Variants in DSE observed in about 807,000 individuals in gnomAD.
DSE encodes dermatan sulfate epimerase.
DSE carries 36 observed loss-of-function variants against 84.4 expected under a neutral mutation model. The ratio of observed to expected loss-of-function variants is 0.43; its 90% confidence interval spans 0.33 to 0.56. The LOEUF (loss-of-function observed/expected upper bound fraction) is 0.56. Ranked by LOEUF, DSE falls within the 20% of genes least tolerant of loss-of-function variation. DSE has a pLI of 0.06. For missense variants in DSE, 862 were observed against 1,169.6 expected (o/e 0.74, Z 3.84); for synonymous variants, 410 against 430.1 (o/e 0.95, Z 0.58).
Position 116,439,483 on chromosome 6 carries a change from TC to T in DSE, c.*2140del, listed in dbSNP as rs1312910177. The T allele has an allele frequency of 1.3e-5, 2 of 151,616 alleles. No homozygotes were observed. Among genetic ancestry groups the T allele is most frequent in the Non-Finnish European group, 2.9e-5 (2 of 67,818 alleles). 9.4% of individuals were successfully genotyped at this position (151,616 alleles called of 1,614,324 possible). On this transcript the variant is annotated 3_prime_UTR_variant, in exon 6 of 6. Coordinates refer to ENST00000644252, the MANE Select transcript of DSE (RefSeq NM_013352.4). ...GTATTTATTTCCTTAAAAAGAAACTTCCTCAGGCAGTGACTTAAGTGGTTAA... is the reference window on the plus strand; with the variant it reads ...GTATTTATTTCCTTAAAAAGAAACTTCTCAGGCAGTGACTTAAGTGGTTAA...
At chr6:116,328,427 G>GTGTAT (rs1340294287) in intron 2 of DSE, among the ~76,000 whole-genome samples, 4 of 152,116 alleles carry the variant, frequency 2.6e-5, no homozygotes, top group Non-Finnish European at 4.4e-5. Context: ...TGCACATATT[G>GTGTAT]AGCAGAACAA....
Position 116,313,163 on chromosome 6 carries a change from G to A in DSE, c.-54+54196G>A, listed in dbSNP as rs890508511. 2.6e-5 allele frequency among the ~76,000 whole-genome samples: 4 copies of A among 152,258 alleles called. 1 individual carries two copies. Among genetic ancestry groups the A allele is most frequent in the Middle Eastern group, 6.8e-3 (2 of 294 alleles). ...AGATTCAGGCTGCTATTGGAGTTAT[G>A]CTCCTTAAGCCAAGGAATGCCTGGG... On this transcript the variant is annotated intron_variant, in intron 2 of 3. Transcript: ENST00000430252.
chr6:116,296,829 G>A (rs1440775611), intron 2 of DSE, among the ~76,000 whole-genome samples: 1 of 152,166 alleles, frequency 6.6e-6, no homozygotes, highest in Non-Finnish European at 1.5e-5. Context: ...TTTTGGTAGG[G>A]TGAGGGTAGG....
intron 2 of DSE, among the ~76,000 whole-genome samples, chr6:116,310,868 C>T (rs1368037107): frequency 6.6e-6 from 1 of 152,154 alleles, no homozygotes; most frequent in Non-Finnish European, 1.5e-5. Flanking sequence ...AATGGTTTCC[C>T]ATTACACTTA....
intron 2 of DSE, among the ~76,000 whole-genome samples, chr6:116,303,850 T>C (rs565381925): frequency 2.0e-4 from 31 of 152,026 alleles, no homozygotes; most frequent in Non-Finnish European, 4.3e-4. Context: ...TAAGAAACAG[T>C]GGGGGCCCGG....
intron 2 of DSE, among the ~76,000 whole-genome samples, chr6:116,309,779 T>C (rs1490166855): frequency 6.6e-6 from 1 of 152,180 alleles, no homozygotes; most frequent in Non-Finnish European, 1.5e-5. Context: ...TGTCTTCATA[T>C]GGCAGAAGGC....
chr6:116,401,321 A>G (rs1277367607), intron 2 of DSE: 1 of 152,156 alleles, frequency 6.6e-6, no homozygotes, highest in African/African-American at 2.4e-5. Context: ...TTTATTGATC[A>G]CTGGAGGTGT....
chr6:116,381,958 G>A (rs1016745020), intron 1 of DSE, among the ~76,000 whole-genome samples: 2 of 151,766 alleles, frequency 1.3e-5, no homozygotes, highest in Non-Finnish European at 2.9e-5. Context: ...CCAAGTTTCT[G>A]GTGGCTTCTA....
chr6:116,349,005 T>A (rs1427576243), intron 2 of DSE, among the ~76,000 whole-genome samples: 1 of 152,034 alleles, frequency 6.6e-6, no homozygotes, highest in African/African-American at 2.4e-5. Flanking sequence ...CATTAGGAGA[T>A]ATACCTAATG....
intron 2 of DSE, among the ~76,000 whole-genome samples, chr6:116,416,383 G>A (rs1406507540): frequency 1.3e-5 from 2 of 148,190 alleles, no homozygotes; most frequent in Non-Finnish European, 2.9e-5. Flanking sequence ...GTGTGTGTGT[G>A]TGTGTGTGTG....
At chr6:116,292,115 G>C (rs189480025) in intron 2 of DSE, among the ~76,000 whole-genome samples, 2 of 152,266 alleles carry the variant, frequency 1.3e-5, no homozygotes, top group Non-Finnish European at 2.9e-5. Flanking sequence ...GAGTGTTTAG[G>C]TGATAGTTGA....
chr6:116,312,389 A>G (rs1353054883), intron 2 of DSE, among the ~76,000 whole-genome samples: 1 of 152,250 alleles, frequency 6.6e-6, no homozygotes, highest in Non-Finnish European at 1.5e-5. Context: ...CTGTGGACAC[A>G]GTCATTGATC....
chr6:116,403,679 G>A (rs190038642), intron 2 of DSE, among the ~76,000 whole-genome samples: 42 of 152,248 alleles, frequency 2.8e-4, no homozygotes, highest in East Asian at 7.7e-4. Flanking sequence ...GTTGGTTTTC[G>A]TAGCAAAGAA....
intron 2 of DSE, among the ~76,000 whole-genome samples, chr6:116,426,016 C>T (rs1783426854): frequency 6.6e-6 from 1 of 152,192 alleles, no homozygotes; most frequent in Admixed American, 6.5e-5. Flanking sequence ...AATCAGCTCC[C>T]ACTCACGTTT....
chr6:116,318,278 A>G (rs9372460), intron 2 of DSE, among the ~76,000 whole-genome samples: 148,825 of 152,204 alleles, frequency 0.98, 72,860 homozygotes, highest in East Asian at 1. Context: ...AGGCCAAGGC[A>G]GGCAGATCAC....
intron 3 of DSE, among the ~76,000 whole-genome samples, chr6:116,428,175 T>C (rs551832012): frequency 2.1e-4 from 32 of 151,966 alleles, no homozygotes; most frequent in African/African-American, 7.7e-4. Context: ...GGCAACAGAG[T>C]GAGACTCAGC....
intron 2 of DSE, among the ~76,000 whole-genome samples, chr6:116,419,651 C>T (rs1782946786): frequency 6.6e-6 from 1 of 152,186 alleles, no homozygotes; most frequent in Non-Finnish European, 1.5e-5. Context: ...GTGCACTACC[C>T]TGGTACTTTT....
At chr6:116,342,526 G>A (rs566295318) in intron 2 of DSE, among the ~76,000 whole-genome samples, 22 of 152,222 alleles carry the variant, frequency 1.4e-4, no homozygotes, top group African/African-American at 3.4e-4. Context: ...TAATCTACCC[G>A]CCTCAGCCTC....
Position 116,356,286 on chromosome 6 carries a change from G to T in DSE, c.-53-42912G>T, listed in dbSNP as rs541611402. ...GAAATGTAGCTCCTGCTCCCATCCT[G>T]TGAACTTTACACAACTGCCTAAAGC... On this transcript the variant is annotated intron_variant, in intron 2 of 3. Transcript: ENST00000430252. 4.9e-4 allele frequency among the ~76,000 whole-genome samples: 75 copies of T among 152,312 alleles called. 1 individual carries two copies. The highest frequency in any genetic ancestry group is 6.8e-3 in the Middle Eastern group (2 of 294).
Sources: gnomAD v4.1 joint callset for allele counts (sites outside exome capture counted in the v4.1 genomes callset) on GRCh38, gnomAD v4.1.1 for gene constraint, MANE v1.5 for transcripts, NCBI Gene and HGNC (gene_info 2026-07-23, HGNC 2026-07-21) for gene names.